The following CTNNA3 variants were observed in gnomAD, a reference collection of about 807,000 sequenced individuals.
CTNNA3 encodes the protein catenin alpha 3.
CTNNA3 carries 76 observed loss-of-function variants against 95.7 expected under a neutral mutation model. The observed-to-expected ratio is 0.79, with a 90% CI of 0.66 to 0.96. The LOEUF is 0.96. Among genes scored for constraint, CTNNA3 ranks in the 40% least tolerant of loss-of-function variants. The pLI is 0.00. For synonymous variants in CTNNA3, 431 were observed against 374.4 expected (o/e 1.15, Z -1.74); for missense variants, 1,191 against 1,089.8 (o/e 1.09, Z -1.31).
At chr10:67,225,639 C>G (rs1042016136) in intron 5 of CTNNA3, among the ~76,000 whole-genome samples, 1 of 152,070 alleles carries the variant, frequency 6.6e-6, no homozygotes, top group African/African-American at 2.4e-5. Context: ...CATTGCAGTT[C>G]GGCTCACAGG....
chr10:67,319,482 C>T (rs923873172), intron 5 of CTNNA3, among the ~76,000 whole-genome samples: 1 of 152,142 alleles, frequency 6.6e-6, no homozygotes, highest in African/African-American at 2.4e-5. Flanking sequence ...TAAATAAGTA[C>T]ATGCAAAATT....
At chr10:66,358,429 T>C (rs984611364) in intron 12 of CTNNA3, among the ~76,000 whole-genome samples, 1 of 152,194 alleles carries the variant, frequency 6.6e-6, no homozygotes, top group Non-Finnish European at 1.5e-5. Context: ...CAGTCTGCCA[T>C]TACTTTACAG....
At chr10:66,528,445 T>A (rs1461016851) in intron 10 of CTNNA3, among the ~76,000 whole-genome samples, 1 of 152,166 alleles carries the variant, frequency 6.6e-6, no homozygotes, top group Non-Finnish European at 1.5e-5. Flanking sequence ...TGTCTCAAGA[T>A]TTTCTTTGTG....
intron 3 of CTNNA3, among the ~76,000 whole-genome samples, chr10:67,574,982 T>C (rs536006657): frequency 3.3e-5 from 5 of 152,282 alleles, no homozygotes; most frequent in Non-Finnish European, 7.4e-5. Flanking sequence ...GCACCATTAA[T>C]GTTACTGTGA....
At chr10:67,316,957 T>C (rs2620913) in intron 5 of CTNNA3, among the ~76,000 whole-genome samples, 136,728 of 152,032 alleles carry the variant, frequency 0.9, 62,046 homozygotes, top group Middle Eastern at 0.97. Flanking sequence ...ATTAAATTCC[T>C]TTCCGTAGCT....
intron 7 of CTNNA3, chr10:66,928,398 G>A (rs1333243552): frequency 1.9e-6 from 3 of 1,614,134 alleles, no homozygotes; most frequent in Admixed American, 3.3e-5. Flanking sequence ...GCGAGATGCT[G>A]CTGAATGGGA....
Position 65,999,409 on chromosome 10 carries a change from T to A in CTNNA3, c.2160-10612A>T, listed in dbSNP as rs1315861838. 2.0e-5 allele frequency among the ~76,000 whole-genome samples: 3 copies of A among 152,262 alleles called. No individual in the cohort carries two copies. In the East Asian group the frequency reaches 5.8e-4, roughly 29 times the overall value. On this transcript the variant is annotated intron_variant, in intron 15 of 17. Coordinates refer to ENST00000433211, the MANE Select transcript of CTNNA3 (RefSeq NM_013266.4). The stretch of plus-strand genomic sequence containing the variant: ...CCCTCAAAATACTATGTTTCCCAGT[T>A]TAAAAACCCTGGGCTGATGAAAGGG...
At chr10:67,370,173 A>G (rs1843367955) in intron 5 of CTNNA3, among the ~76,000 whole-genome samples, 1 of 152,208 alleles carries the variant, frequency 6.6e-6, no homozygotes, top group Non-Finnish European at 1.5e-5. Flanking sequence ...TATATAATTG[A>G]ATACTATAAA....
At chr10:66,646,846 C>T (rs1447568313) in intron 9 of CTNNA3, among the ~76,000 whole-genome samples, 3 of 152,116 alleles carry the variant, frequency 2.0e-5, no homozygotes, top group African/African-American at 7.2e-5. Context: ...GTAGTGGAAA[C>T]TCTGAACAAA....
chr10:66,546,373 A>G (rs1842034967), intron 10 of CTNNA3, among the ~76,000 whole-genome samples: 2 of 152,186 alleles, frequency 1.3e-5, no homozygotes, highest in Admixed American at 1.3e-4. Context: ...TCAAATCATC[A>G]TCATAATAAT....
chr10:66,422,686 T>A (rs896443476), intron 11 of CTNNA3, among the ~76,000 whole-genome samples: 16 of 152,200 alleles, frequency 1.1e-4, no homozygotes, highest in African/African-American at 3.6e-4. Context: ...AGATATCGCT[T>A]TGATTTTTTC....
intron 5 of CTNNA3, among the ~76,000 whole-genome samples, chr10:67,448,201 G>A (rs74144450): frequency 0.034 from 5,180 of 152,204 alleles, 285 homozygotes; most frequent in African/African-American, 0.11. Context: ...AGGAGAGCAG[G>A]GAAAGGGACT....
At chr10:66,476,088 C>T (rs1174034855) in intron 11 of CTNNA3, among the ~76,000 whole-genome samples, 1 of 152,074 alleles carries the variant, frequency 6.6e-6, no homozygotes, top group African/African-American at 2.4e-5. Flanking sequence ...TGGAAGCCAT[C>T]ATCCTTAGTA....
intron 11 of CTNNA3, among the ~76,000 whole-genome samples, chr10:66,477,523 C>A (rs568448729): frequency 5.3e-5 from 8 of 151,980 alleles, no homozygotes; most frequent in Non-Finnish European, 1.2e-4. Context: ...ATTTCTACGA[C>A]CCACTCTGAA....
At chr10:66,692,752 A>G (rs1438286588) in intron 9 of CTNNA3, among the ~76,000 whole-genome samples, 1 of 152,212 alleles carries the variant, frequency 6.6e-6, no homozygotes, top group Non-Finnish European at 1.5e-5. Context: ...CATCAGACTA[A>G]CAGCAGATCT....
rs59187647 is a variant in CTNNA3 at position 66,634,572 on chromosome 10, G to GGTGTGTGTGTGTGT, written c.1282-12802_1282-12789dup. 8.9e-3 allele frequency among the ~76,000 whole-genome samples: 1,298 copies of GGTGTGTGTGTGTGT among 146,160 alleles called. 25 individuals carry two copies. Among genetic ancestry groups the GGTGTGTGTGTGTGT allele is most frequent in the African/African-American group, 0.031 (1,223 of 39,396 alleles). The stretch of plus-strand genomic sequence containing the variant: ...ATGTTTGGAAAGGTACTCTGTGCAT[G>GGTGTGTGTGTGTGT]GTGTGTGTGTGTGTGTGTGTGTGTG... On this transcript the variant is annotated intron_variant, in intron 9 of 17. Transcript: ENST00000433211.
intron 7 of CTNNA3, among the ~76,000 whole-genome samples, chr10:66,958,861 T>G (rs1848972072): frequency 6.6e-6 from 1 of 152,134 alleles, no homozygotes; most frequent in Non-Finnish European, 1.5e-5. Flanking sequence ...AGATTTAAAA[T>G]GCACTTTCAA....
chr10:66,667,956 C>T (rs1200417017), intron 9 of CTNNA3, among the ~76,000 whole-genome samples: 1 of 152,096 alleles, frequency 6.6e-6, no homozygotes, highest in Non-Finnish European at 1.5e-5. Flanking sequence ...ATTAAAGTAT[C>T]ACAGAAGATG....
At chr10:66,607,515 T>TAAAAAA (rs1844172977) in intron 10 of CTNNA3, among the ~76,000 whole-genome samples, 1 of 117,678 alleles carries the variant, frequency 8.5e-6, no homozygotes. Flanking sequence ...GAAAAGAAAC[T>TAAAAAA]TCAGGCCAAT....
Sources: allele counts gnomAD v4.1 joint callset (sites outside exome capture counted in the v4.1 genomes callset), GRCh38; gene constraint gnomAD v4.1.1; transcripts MANE v1.5; gene names NCBI Gene and HGNC (gene_info 2026-07-23, HGNC 2026-07-21).